The following CTNNA3 variants were observed in gnomAD, a reference collection of about 807,000 sequenced individuals.
CTNNA3 encodes catenin alpha 3, also known as catenin alpha-3.
A neutral mutation model predicts 95.7 loss-of-function variants in CTNNA3; 76 were observed. The observed-to-expected ratio is 0.79, with a 90% CI of 0.66 to 0.96. The LOEUF (loss-of-function observed/expected upper bound fraction) is 0.96, where lower values mean the gene tolerates loss of function less well. CTNNA3 is among the 40% of genes least tolerant of loss of function. The pLI, the probability that CTNNA3 is intolerant of heterozygous loss-of-function variation, is 0.00. For synonymous variants in CTNNA3, 431 were observed against 374.4 expected (o/e 1.15, Z -1.74); for missense variants, 1,191 against 1,089.8 (o/e 1.09, Z -1.31).
At chr10:67,725,652 AT>A (rs1841205839) in intron 1 of CTNNA3, among the ~76,000 whole-genome samples, 1 of 152,030 alleles carries the variant, frequency 6.6e-6, no homozygotes, top group African/African-American at 2.4e-5. Context: ...GAGGGAAAAA[AT>A]AAAGAGATAG....
chr10:66,485,781 C>G (rs1839705204), intron 11 of CTNNA3, among the ~76,000 whole-genome samples: 1 of 151,910 alleles, frequency 6.6e-6, no homozygotes. Context: ...CCATGAATAG[C>G]CAAAGGAATC....
At chr10:67,756,148 C>T (rs1841431919) in intron 1 of CTNNA3, among the ~76,000 whole-genome samples, 1 of 151,688 alleles carries the variant, frequency 6.6e-6, no homozygotes, top group African/African-American at 2.4e-5. Context: ...TGGTGGTTAC[C>T]AGAGGCCAGG....
chr10:67,086,820 C>T (rs567099401), intron 7 of CTNNA3, among the ~76,000 whole-genome samples: 2 of 152,014 alleles, frequency 1.3e-5, no homozygotes, highest in African/African-American at 4.8e-5. Flanking sequence ...TGTTTGTTTG[C>T]TTTATAATTT....
intron 9 of CTNNA3, among the ~76,000 whole-genome samples, chr10:66,658,901 C>T (rs1477822094): frequency 6.6e-6 from 1 of 152,088 alleles, no homozygotes; most frequent in East Asian, 1.9e-4. Context: ...GTCATGTTGA[C>T]CAGGCTGGTC....
At chr10:67,618,288 ATG>A (rs977174037) in intron 2 of CTNNA3, among the ~76,000 whole-genome samples, 7 of 152,344 alleles carry the variant, frequency 4.6e-5, no homozygotes, top group Admixed American at 2.6e-4. Context: ...TAGCTTAGAT[ATG>A]TTCACATAAT....
At position 67,035,936 on chromosome 10, in the gene CTNNA3, T is replaced by C. The variant is rs557364457; in HGVS notation, c.1047+144381A>G. 3.3e-5 allele frequency among the ~76,000 whole-genome samples: 5 copies of C among 152,232 alleles called. No homozygotes were observed. The South Asian group carries it at 8.3e-4, about 25-fold the overall frequency. On this transcript the variant is annotated intron_variant, in intron 7 of 17. Coordinates refer to ENST00000433211, the MANE Select transcript of CTNNA3 (RefSeq NM_013266.4). Reference sequence around the variant, plus strand: ...CTTTCACTTTCTCCTTTCTGAAAACTAGAACTAGACAACTTTTCTTGCTTT... The same window carrying C: ...CTTTCACTTTCTCCTTTCTGAAAACCAGAACTAGACAACTTTTCTTGCTTT...
chr10:66,478,125 C>T (rs1185040155), intron 11 of CTNNA3, among the ~76,000 whole-genome samples: 1 of 152,118 alleles, frequency 6.6e-6, no homozygotes, highest in Admixed American at 6.6e-5. Flanking sequence ...CTCCAGCATG[C>T]ACTTTTATTC....
chr10:66,919,266 T>C (rs1846667251), intron 7 of CTNNA3, among the ~76,000 whole-genome samples: 1 of 151,974 alleles, frequency 6.6e-6, no homozygotes, highest in Non-Finnish European at 1.5e-5. Flanking sequence ...ATAGTAATAA[T>C]TTTTGGAGTT....
At chr10:66,020,763 C>G (rs990478426) in intron 15 of CTNNA3, among the ~76,000 whole-genome samples, 4 of 151,554 alleles carry the variant, frequency 2.6e-5, no homozygotes, top group Non-Finnish European at 5.9e-5. Flanking sequence ...GCTCTGCCTC[C>G]CAGGTTCACG....
intron 2 of CTNNA3, among the ~76,000 whole-genome samples, chr10:67,639,367 G>A (rs1839441089): frequency 6.6e-6 from 1 of 152,046 alleles, no homozygotes; most frequent in Non-Finnish European, 1.5e-5. Context: ...ATAATTAATA[G>A]CTTACCAACC....
intron 9 of CTNNA3, among the ~76,000 whole-genome samples, chr10:66,727,412 A>C (rs1848815134): frequency 6.6e-6 from 1 of 152,126 alleles, no homozygotes; most frequent in Non-Finnish European, 1.5e-5. Flanking sequence ...TCAAGGGGAA[A>C]AAATAAATAA....
At chr10:66,929,561 C>A (rs1301106505) in intron 7 of CTNNA3, among the ~76,000 whole-genome samples, 1 of 152,122 alleles carries the variant, frequency 6.6e-6, no homozygotes, top group Admixed American at 6.5e-5. Flanking sequence ...CACCCACAGC[C>A]TCATTGAAAA....
chr10:66,597,668 T>TTGTG (rs1843771244), intron 10 of CTNNA3, among the ~76,000 whole-genome samples: 1 of 150,420 alleles, frequency 6.6e-6, no homozygotes, highest in South Asian at 2.1e-4. Context: ...CATGAGATTA[T>TTGTG]CAGTTGGTTT....
At chr10:67,252,149 T>C (rs796105467) in intron 5 of CTNNA3, among the ~76,000 whole-genome samples, 18 of 150,068 alleles carry the variant, frequency 1.2e-4, no homozygotes, top group African/African-American at 4.4e-4. Flanking sequence ...AGGTGGAGGT[T>C]GCAGTGAGCA....
intron 7 of CTNNA3, among the ~76,000 whole-genome samples, chr10:66,938,622 G>C (rs1437834645): frequency 2.0e-5 from 3 of 152,144 alleles, no homozygotes; most frequent in Non-Finnish European, 4.4e-5. Flanking sequence ...TAATCCACGT[G>C]TGAGTAGACT....
chr10:67,463,035 G>A (rs1211494717), intron 5 of CTNNA3, among the ~76,000 whole-genome samples: 3 of 140,508 alleles, frequency 2.1e-5, no homozygotes, highest in Admixed American at 6.9e-5. Context: ...CTCCTGAGTA[G>A]CGGGGTTACA....
At chr10:66,129,046 C>T (rs2082965078) in intron 13 of CTNNA3, among the ~76,000 whole-genome samples, 2 of 152,124 alleles carry the variant, frequency 1.3e-5, no homozygotes, top group African/African-American at 2.4e-5. Flanking sequence ...GGACAGATCA[C>T]CTGAGGTCGG....
chr10:66,089,446 GT>G (rs2081127957), intron 14 of CTNNA3, among the ~76,000 whole-genome samples: 1 of 136,446 alleles, frequency 7.3e-6, no homozygotes, highest in Non-Finnish European at 1.6e-5. Context: ...ATATACTTTT[GT>G]TTATTCCTAT....
At chr10:65,991,449 T>C (rs2078544116) in intron 15 of CTNNA3, among the ~76,000 whole-genome samples, 2 of 152,064 alleles carry the variant, frequency 1.3e-5, no homozygotes, top group Admixed American at 1.3e-4. Flanking sequence ...CACCAGTGTT[T>C]TATAGTTTTG....
Sources: allele counts gnomAD v4.1 joint callset (sites outside exome capture counted in the v4.1 genomes callset), GRCh38; gene constraint gnomAD v4.1.1; transcripts MANE v1.5; gene names NCBI Gene and HGNC (gene_info 2026-07-23, HGNC 2026-07-21).